THRB: variants seen among roughly 807,000 people sequenced by gnomAD.
THRB encodes the protein nuclear receptor subfamily 1 group A member 2.
In THRB, 12 loss-of-function variants were observed where a neutral mutation model predicts 47.8. The observed-to-expected ratio is 0.25, with a 90% confidence interval of 0.16 to 0.41. THRB has a LOEUF of 0.41. Ranked by LOEUF, THRB falls within the 10% of genes least tolerant of loss-of-function variation. The probability of loss-of-function intolerance (pLI) is 1.00; values close to 1 mark genes in which losing one functional copy is unlikely to be tolerated. For synonymous variants in THRB, 218 were observed against 212.2 expected, an observed-to-expected ratio of 1.03 and a Z score of -0.24; for missense variants, 348 against 589.2, an observed-to-expected ratio of 0.59 and a Z score of 4.24.
chr3:24,317,331 G>A (rs1199607863), intron 2 of THRB, among the ~76,000 whole-genome samples: 1 of 152,084 alleles, frequency 6.6e-6, no homozygotes, highest in East Asian at 1.9e-4. Flanking sequence ...ATCGAAAGAG[G>A]TGCATGCTAC....
At chr3:24,296,739 C>T (rs1255014312) in intron 3 of THRB, among the ~76,000 whole-genome samples, 1 of 152,066 alleles carries the variant, frequency 6.6e-6, no homozygotes, top group Non-Finnish European at 1.5e-5. Flanking sequence ...ACTCCAGCAC[C>T]AAGGAGGGGG....
At chr3:24,174,301 C>T (rs2040847821) in intron 5 of THRB, among the ~76,000 whole-genome samples, 1 of 152,178 alleles carries the variant, frequency 6.6e-6, no homozygotes, top group Non-Finnish European at 1.5e-5. Context: ...CTTTTCGTTA[C>T]AGCTTGCTTA....
In THRB at chr3:24,327,976, T is replaced by A. The variant is rs535475186; in HGVS notation, c.-189+9324A>T. Among the ~76,000 whole-genome samples the A allele has an allele frequency of 3.1e-4, 47 of 152,256 alleles. No individual in the cohort carries two copies. In the South Asian group the frequency reaches 7.7e-3, roughly 25 times the overall value. ...CTTAAAAATCATTAAAAAAAATCAA[T>A]ACCCTATAGGAAATGGGTGCATGAC... is the stretch of plus-strand genomic sequence containing the variant. On this transcript the variant is annotated intron_variant, in intron 2 of 10. Transcript: ENST00000646209.
At chr3:24,296,123 T>G (rs1239382964) in intron 3 of THRB, among the ~76,000 whole-genome samples, 3 of 152,190 alleles carry the variant, frequency 2.0e-5, no homozygotes, top group Non-Finnish European at 4.4e-5. Context: ...TTATTTTACT[T>G]AGAATTAAAG....
At chr3:24,455,924 T>G (rs530564864) in intron 1 of THRB, among the ~76,000 whole-genome samples, 1 of 152,328 alleles carries the variant, frequency 6.6e-6, no homozygotes, top group East Asian at 1.9e-4. Flanking sequence ...TGAAATATAT[T>G]TTTAAAGCAT....
chr3:24,233,587 G>GAAAGAAAAAT (rs1553658384), intron 3 of THRB, among the ~76,000 whole-genome samples: 4 of 112,020 alleles, frequency 3.6e-5, no homozygotes, highest in Non-Finnish European at 8.3e-5. Flanking sequence ...AAGAAAGAAA[G>GAAAGAAAAAT]AAAGAAAGAA....
chr3:24,428,703 C>A (rs1340430684), intron 1 of THRB, among the ~76,000 whole-genome samples: 1 of 145,184 alleles, frequency 6.9e-6, no homozygotes, highest in African/African-American at 2.7e-5. Context: ...ACAGGAAAGG[C>A]TAGACCCACA....
At chr3:24,212,577 C>CAAAAAAA (rs1199010853) in intron 4 of THRB, among the ~76,000 whole-genome samples, 12 of 84,046 alleles carry the variant, frequency 1.4e-4, no homozygotes, top group South Asian at 5.7e-4. Context: ...GACTCCGTCT[C>CAAAAAAA]AAAAAAAAAA....
chr3:24,132,745 A>G (rs1441308653), intron 9 of THRB, among the ~76,000 whole-genome samples: 3 of 152,232 alleles, frequency 2.0e-5, no homozygotes, highest in Admixed American at 1.3e-4. Context: ...GGAAAAGACG[A>G]AAGATTTGTG....
At chr3:24,174,988 G>C (rs1212746918) in intron 5 of THRB, among the ~76,000 whole-genome samples, 1 of 152,204 alleles carries the variant, frequency 6.6e-6, no homozygotes, top group East Asian at 1.9e-4. Flanking sequence ...GCTGGAGTCT[G>C]GGAAACTGTA....
intron 8 of THRB, among the ~76,000 whole-genome samples, chr3:24,138,089 T>C (rs1307250475): frequency 6.6e-6 from 1 of 152,034 alleles, no homozygotes; most frequent in Non-Finnish European, 1.5e-5. Context: ...CCAACTGGCT[T>C]TCTGCTTTGA....
intron 8 of THRB, among the ~76,000 whole-genome samples, chr3:24,142,904 T>G (rs765657637): frequency 6.6e-6 from 1 of 152,192 alleles, no homozygotes; most frequent in Non-Finnish European, 1.5e-5. Flanking sequence ...CAACTGGTAA[T>G]TTTTATAAGA....
intron 10 of THRB, among the ~76,000 whole-genome samples, chr3:24,124,775 C>A (rs1002114743): frequency 3.9e-5 from 6 of 152,164 alleles, no homozygotes; most frequent in Non-Finnish European, 8.8e-5. Flanking sequence ...CGAAATGGCA[C>A]ACAAAACATG....
chr3:24,350,641 C>T (rs1038856818), intron 1 of THRB, among the ~76,000 whole-genome samples: 1 of 152,142 alleles, frequency 6.6e-6, no homozygotes, highest in Non-Finnish European at 1.5e-5. Flanking sequence ...GGAGTTCAGT[C>T]TCTCCTTTGG....
chr3:24,419,669 T>TAAC (rs1431634823), intron 1 of THRB, among the ~76,000 whole-genome samples: 2 of 151,940 alleles, frequency 1.3e-5, no homozygotes, highest in Non-Finnish European at 2.9e-5. Context: ...CTTATAAAAA[T>TAAC]AACATTGCAT....
intron 9 of THRB, among the ~76,000 whole-genome samples, chr3:24,129,851 C>T (rs972707905): frequency 1.3e-5 from 2 of 152,190 alleles, no homozygotes; most frequent in Non-Finnish European, 1.5e-5. Flanking sequence ...GCTCTGCCGG[C>T]GATGATTTTA....
intron 5 of THRB, among the ~76,000 whole-genome samples, chr3:24,185,851 G>C (rs1180418224): frequency 6.6e-6 from 1 of 152,196 alleles, no homozygotes; most frequent in Admixed American, 6.5e-5. Context: ...AGAGGGTAGA[G>C]GGGTGAAGCC....
intron 8 of THRB, among the ~76,000 whole-genome samples, chr3:24,133,708 A>G (rs1430307139): frequency 6.6e-6 from 1 of 151,712 alleles, no homozygotes; most frequent in Non-Finnish European, 1.5e-5. Flanking sequence ...AGAGAGAGAG[A>G]GAGAGAGAGA....
chr3:24,235,618 G>T (rs2048779991), intron 3 of THRB, among the ~76,000 whole-genome samples: 1 of 152,106 alleles, frequency 6.6e-6, no homozygotes, highest in Non-Finnish European at 1.5e-5. Flanking sequence ...TGGGTTGGGG[G>T]CTGTGGGTTG....
Sources: allele counts gnomAD v4.1 joint callset (sites outside exome capture counted in the v4.1 genomes callset), GRCh38; gene constraint gnomAD v4.1.1; transcripts MANE v1.5; gene names NCBI Gene and HGNC (gene_info 2026-07-23, HGNC 2026-07-21).